Variants in ELFN2 observed in about 807,000 individuals in gnomAD.
ELFN2 encodes the protein protein phosphatase 1 regulatory subunit 29.
A neutral mutation model predicts 45.5 loss-of-function variants in ELFN2; 17 were observed. That is an observed-to-expected ratio of 0.37 (90% CI 0.26 to 0.56). The LOEUF (loss-of-function observed/expected upper bound fraction) is 0.56, where lower values mean the gene tolerates loss of function less well. ELFN2 is among the 20% of genes least tolerant of loss of function. The pLI, the probability that ELFN2 is intolerant of heterozygous loss-of-function variation, is 0.77. For missense variants in ELFN2, 922 were observed against 1,183.2 expected, an observed-to-expected ratio of 0.78 and a Z score of 3.24; for synonymous variants, 550 against 551.5, an observed-to-expected ratio of 1.00 and a Z score of 0.04.
At chr22:37,362,062 G>A (rs1044690371) in intron 1 of ELFN2, among the ~76,000 whole-genome samples, 3 of 152,202 alleles carry the variant, frequency 2.0e-5, no homozygotes, top group Admixed American at 2.0e-4. Flanking sequence ...GGAAGGACAG[G>A]CCTTGGAAAC....
At chr22:37,424,726 C>T (rs2145695472) in intron 1 of ELFN2, among the ~76,000 whole-genome samples, 1 of 151,986 alleles carries the variant, frequency 6.6e-6, no homozygotes, top group African/African-American at 2.4e-5. Flanking sequence ...CAGCTTATTC[C>T]AGAACTCAGT....
Position 37,374,930 on chromosome 22 carries a change from A to T in ELFN2, c.605T>A (p.Val202Asp). 3 of 1,612,728 alleles carry T rather than the reference A, an allele frequency of 1.9e-6. No individual in the cohort carries two copies. Among genetic ancestry groups the T allele is most frequent in the East Asian group, 2.2e-5 (1 of 44,862 alleles). The change falls in exon 3 of 3, where the codon GTC (valine) becomes GAC (aspartate). Residue 202 changes from valine (V) to aspartate (D), a missense_variant. This residue lies in a region of ELFN2 where 358 missense variants were observed against 540.4 expected (regional missense o/e 0.66). Coordinates refer to ENST00000402918, the MANE Select transcript of ELFN2 (RefSeq NM_052906.5). ...GTAGTTCTTGGTGACGTTGTTGAAGACCACCAGCCAGGCCAGGAAGCCGAA... is the reference window on the plus strand; with the variant it reads ...GTAGTTCTTGGTGACGTTGTTGAAGTCCACCAGCCAGGCCAGGAAGCCGAA... ...DLFGFLAWLVVFNNVTKNYDR... is the reference protein window; with the variant it reads ...DLFGFLAWLVDFNNVTKNYDR...
intron 1 of ELFN2, among the ~76,000 whole-genome samples, chr22:37,360,633 T>C (rs1361378828): frequency 6.6e-6 from 1 of 152,108 alleles, no homozygotes; most frequent in Admixed American, 6.5e-5. Context: ...GAGTCGATGA[T>C]CAGCTGTCAA....
downstream of ELFN2, among the ~76,000 whole-genome samples, chr22:37,365,959 A>G (rs1931196824): frequency 6.7e-6 from 1 of 149,014 alleles, no homozygotes; most frequent in South Asian, 2.1e-4. Context: ...CTTACGAATA[A>G]ACTGATTATT....
At chr22:37,360,610 G>A (rs1601737465) in intron 1 of ELFN2, among the ~76,000 whole-genome samples, 7 of 152,232 alleles carry the variant, frequency 4.6e-5, no homozygotes, top group Admixed American at 4.6e-4. Flanking sequence ...ACAGCTCAGG[G>A]TGAGACTGAG....
chr22:37,393,341 G>A (rs1016468840), intron 2 of ELFN2, among the ~76,000 whole-genome samples: 8 of 152,284 alleles, frequency 5.3e-5, no homozygotes, highest in East Asian at 1.9e-4. Context: ...GCCTCCACTC[G>A]CACCTGGGCC....
intron 2 of ELFN2, among the ~76,000 whole-genome samples, chr22:37,376,219 T>C (rs1931582536): frequency 1.3e-5 from 2 of 151,780 alleles, no homozygotes; most frequent in East Asian, 1.9e-4. Context: ...GACAGAAGAA[T>C]AGGGGGAGTA....
chr22:37,362,322 G>A (rs780041665), intron 1 of ELFN2, among the ~76,000 whole-genome samples: 86 of 152,308 alleles, frequency 5.6e-4, no homozygotes, highest in African/African-American at 1.2e-3. Flanking sequence ...ACTGCCAGAC[G>A]TAACCTCTTC....
intron 2 of ELFN2, among the ~76,000 whole-genome samples, chr22:37,395,012 G>T (rs1932175480): frequency 6.6e-6 from 1 of 151,966 alleles, no homozygotes; most frequent in African/African-American, 2.4e-5. Context: ...CTGAGAGGCA[G>T]GAGAATCACT....
chr22:37,354,810 T>C (rs536994266), intron 1 of ELFN2: 1 of 150,408 alleles, frequency 6.6e-6, no homozygotes, highest in East Asian at 2.0e-4. Flanking sequence ...GCACCCCCGG[T>C]GCCTTCCCAC....
intron 2 of ELFN2, among the ~76,000 whole-genome samples, chr22:37,342,030 G>GA (rs34300439): frequency 0.51 from 77,375 of 151,650 alleles, 19,923 homozygotes; most frequent in Middle Eastern, 0.64. Context: ...AGGCACAGGG[G>GA]TGGCCTGCCA....
intron 2 of ELFN2, among the ~76,000 whole-genome samples, chr22:37,405,088 GCAT>G (rs60266020): frequency 0.024 from 2,078 of 85,718 alleles, 67 homozygotes; most frequent in African/African-American, 0.08. Context: ...CTGAACCTCA[GCAT>G]TTTTTTTTTT....
chr22:37,399,518 CA>C (rs1601761723), intron 2 of ELFN2, among the ~76,000 whole-genome samples: 9 of 147,938 alleles, frequency 6.1e-5, no homozygotes, highest in East Asian at 6.0e-4. Context: ...CGGGGACCAC[CA>C]GCCCACCTCT....
At chr22:37,355,365 G>C (rs1451638291) in intron 1 of ELFN2, among the ~76,000 whole-genome samples, 1 of 152,212 alleles carries the variant, frequency 6.6e-6, no homozygotes, top group South Asian at 2.1e-4. Flanking sequence ...GAGGCCACCT[G>C]CGGGCCCTCC....
At chr22:37,414,701 G>T (rs966254941) in intron 2 of ELFN2, among the ~76,000 whole-genome samples, 1 of 152,104 alleles carries the variant, frequency 6.6e-6, no homozygotes, top group Admixed American at 6.5e-5. Flanking sequence ...TGACAGCATC[G>T]GGACATGAAC....
Position 37,417,617 on chromosome 22 carries a change from G to A in ELFN2, c.-463+152C>T, listed in dbSNP as rs934826153. ...CTGTGGAAGGAAAGCTGGGTGGGAGGGGTGCCCACGGCTGGGGGCAGGGGC... is the reference window on the plus strand; with the variant it reads ...CTGTGGAAGGAAAGCTGGGTGGGAGAGGTGCCCACGGCTGGGGGCAGGGGC... On this transcript the variant is annotated intron_variant, in intron 2 of 2. Transcript: ENST00000402918. The surrounding 1 kb of genome is among the most constrained non-coding windows in gnomAD (Gnocchi z 4.5). Among the ~76,000 whole-genome samples the A allele has an allele frequency of 6.6e-6, 1 of 152,222 alleles. No individual in the cohort carries two copies. Among genetic ancestry groups the A allele is most frequent in the Non-Finnish European group, 1.5e-5 (1 of 68,036 alleles).
intron 2 of ELFN2, among the ~76,000 whole-genome samples, chr22:37,384,238 G>C (rs1301455957): frequency 6.6e-6 from 1 of 151,990 alleles, no homozygotes; most frequent in African/African-American, 2.4e-5. Flanking sequence ...TGGTTCTAGG[G>C]GCAGCTGTAA....
At chr22:37,404,313 C>T (rs1932442411) in intron 2 of ELFN2, among the ~76,000 whole-genome samples, 2 of 152,154 alleles carry the variant, frequency 1.3e-5, no homozygotes, top group Middle Eastern at 3.4e-3. Context: ...TGGAGGGTGA[C>T]TTGGTGCAGG....
Position 37,397,799 on chromosome 22 carries a change from G to GT in ELFN2, c.-463+19969_-463+19970insA, listed in dbSNP as rs202058038. ...TTCCTAAGCACAAGGAGGGGAACGA[G>GT]CTACCGGGCTGGGCATTTTACAGGC... On this transcript the variant is annotated intron_variant, in intron 2 of 2. Coordinates refer to ENST00000402918, the MANE Select transcript of ELFN2 (RefSeq NM_052906.5). Among the ~76,000 whole-genome samples, 1,172 of 152,262 alleles carry GT rather than the reference G, an allele frequency of 7.7e-3. 14 individuals carry two copies. Among genetic ancestry groups the GT allele is most frequent in the African/African-American group, 0.025 (1,031 of 41,536 alleles).
Sources: allele counts gnomAD v4.1 joint callset (sites outside exome capture counted in the v4.1 genomes callset), GRCh38; gene constraint gnomAD v4.1.1; regional missense constraint gnomAD v4.1.1; non-coding constraint Gnocchi (gnomAD v3.1); transcripts MANE v1.5; gene names NCBI Gene and HGNC (gene_info 2026-07-23, HGNC 2026-07-21).